Variants in RIPOR1 observed in about 807,000 individuals in gnomAD.
RIPOR1 encodes rho family-interacting cell polarization regulator 1.
Under a neutral mutation model 116.5 loss-of-function variants are expected in RIPOR1, and 58 were observed. That is an observed-to-expected ratio of 0.50 (90% confidence interval 0.40 to 0.62). RIPOR1 has a LOEUF of 0.62. Ranked by LOEUF, RIPOR1 falls within the 20% of genes least tolerant of loss-of-function variation. The probability of loss-of-function intolerance (pLI) is 0.00; values close to 1 mark genes in which losing one functional copy is unlikely to be tolerated. For missense variants in RIPOR1, 1,372 were observed against 1,586.2 expected (o/e 0.86, Z 2.29); for synonymous variants, 605 against 650.0 (o/e 0.93, Z 1.05).
rs374255418 is a variant in RIPOR1, at chr16:67,541,802, C to T, written c.1080+20C>T. ...TTCTATGTGAGTCATAGCCCAGGTCCAGGCCTCACCATCCCCCAGAGGCTC... is the reference window on the plus strand; with the variant it reads ...TTCTATGTGAGTCATAGCCCAGGTCTAGGCCTCACCATCCCCCAGAGGCTC... On this transcript the variant is annotated intron_variant, in intron 12 of 21. Coordinates refer to ENST00000042381, the MANE Select transcript of RIPOR1 (RefSeq NM_024519.4). This position sits in a 1 kb window ranked among gnomAD's most constrained non-coding sequence, Gnocchi z 4.6. 1.6e-5 allele frequency: 26 copies of T among 1,613,886 alleles called. No homozygotes were observed. Among genetic ancestry groups the T allele is most frequent in the Non-Finnish European group, 1.9e-5 (22 of 1,179,948 alleles).
Position 67,531,685 on chromosome 16 carries a change from G to A in RIPOR1, c.-24+2771G>A, listed in dbSNP as rs1283787195. The A allele has an allele frequency of 2.0e-5, 9 of 447,006 alleles. No individual in the cohort carries two copies. Among genetic ancestry groups the A allele is most frequent in the South Asian group, 7.9e-5 (5 of 63,446 alleles). 27.7% of individuals were successfully genotyped at this position (447,006 alleles called of 1,614,324 possible). The stretch of plus-strand genomic sequence containing the variant: ...CAGAGAAAGCAGGGGACTGGGAGGA[G>A]AGGAGTGGTTGAAAGAATGTGAGGG... On this transcript the variant is annotated intron_variant, in intron 1 of 21. Transcript: ENST00000042381. This position sits in a 1 kb window ranked among gnomAD's most constrained non-coding sequence, Gnocchi z 4.2.
At position 67,545,156 on chromosome 16, in the gene RIPOR1, T is replaced by G. The variant is rs745762564; in HGVS notation, c.3031+39T>G. 6.2e-7 allele frequency: 1 copy of G among 1,601,112 alleles called. No homozygotes were observed. ...TTCCTCCTTCCACCCTTGCTCAGAT[T>G]CCCAGTGACAGGAAGCTCGGGGAAG... On this transcript the variant is annotated intron_variant, in intron 17 of 21. Coordinates refer to ENST00000042381, the MANE Select transcript of RIPOR1 (RefSeq NM_024519.4). This position sits in a 1 kb window ranked among gnomAD's most constrained non-coding sequence, Gnocchi z 4.8.
intron 1 of RIPOR1, among the ~76,000 whole-genome samples, chr16:67,520,475 A>C (rs1308714237): frequency 7.5e-6 from 1 of 133,412 alleles, no homozygotes; most frequent in Non-Finnish European, 1.5e-5. Flanking sequence ...AAAAGAAAAG[A>C]GGCCCTGAAG....
chr16:67,530,107 T>A lies in RIPOR1; in HGVS notation c.-24+1193T>A. The A allele has an allele frequency of 1.7e-6, 1 of 573,804 alleles. No individual in the cohort carries two copies. The highest frequency in any genetic ancestry group is 3.1e-6 in the Non-Finnish European group (1 of 319,262). 35.5% of individuals were successfully genotyped at this position (573,804 alleles called of 1,614,324 possible). ...AGCAAGGTGAGCCGCCCCAGGGGTCTGGGTTTGGGTGCGGGTGAGGGGAGG... is the reference window on the plus strand; with the variant it reads ...AGCAAGGTGAGCCGCCCCAGGGGTCAGGGTTTGGGTGCGGGTGAGGGGAGG... On this transcript the variant is annotated intron_variant, in intron 1 of 21. Transcript: ENST00000042381. The surrounding 1 kb of genome is among the most constrained non-coding windows in gnomAD (Gnocchi z 4.5).
intron 1 of RIPOR1, among the ~76,000 whole-genome samples, chr16:67,532,336 C>G (rs1386147559): frequency 6.6e-6 from 1 of 152,082 alleles, no homozygotes; most frequent in Non-Finnish European, 1.5e-5. Context: ...CCCAGGAGTT[C>G]AAGGCTGCAG....
chr16:67,529,683 T>G lies in RIPOR1; in HGVS notation c.-24+769T>G, dbSNP rs2142416127. 7.2e-7 allele frequency: 1 copy of G among 1,394,386 alleles called. No homozygotes were observed. Among genetic ancestry groups the G allele is most frequent in the East Asian group, 2.5e-5 (1 of 40,178 alleles). The allele number at this position is 1,394,386 out of a possible 1,614,324, so 86.4% of individuals were successfully genotyped here. On this transcript the variant is annotated intron_variant, in intron 1 of 21. Coordinates refer to ENST00000042381, the MANE Select transcript of RIPOR1 (RefSeq NM_024519.4). The surrounding 1 kb of genome is among the most constrained non-coding windows in gnomAD (Gnocchi z 4.1). Reference sequence around the variant, plus strand: ...CCCCTACAGACCCTCCCCAGCCAGTTCTAACGTGTGTCCAGGCTGGCCGCC... The same window carrying G: ...CCCCTACAGACCCTCCCCAGCCAGTGCTAACGTGTGTCCAGGCTGGCCGCC...
chr16:67,525,002 C>T (rs2050527896), upstream of RIPOR1, among the ~76,000 whole-genome samples: 2 of 152,240 alleles, frequency 1.3e-5, no homozygotes, highest in Admixed American at 1.3e-4. Flanking sequence ...GGCCCCAAGG[C>T]CCCGCACGCA....
Position 67,545,830 on chromosome 16 carries a change from C to A in RIPOR1, c.3357C>A (p.Ser1119Arg), listed in dbSNP as rs768661764. 1.2e-6 allele frequency: 2 copies of A among 1,608,028 alleles called. No homozygotes were observed. The highest frequency in any genetic ancestry group is 1.1e-5 in the South Asian group (1 of 90,138). The change falls in exon 19 of 22, where the codon AGC becomes AGA. Residue 1119 changes from serine (S) to arginine (R), a missense_variant. Around this residue, in one of 3 missense-constraint regions of RIPOR1, gnomAD observed 1,005 missense variants for 1,144.7 expected, o/e 0.88. Coordinates refer to ENST00000042381, the MANE Select transcript of RIPOR1 (RefSeq NM_024519.4). The surrounding 1 kb of genome is among the most constrained non-coding windows in gnomAD (Gnocchi z 4.8). ...VMAAVSTQLR[S>R]LSLGPTFRER... ...CTGCTGTCAGCACCCAGCTCCGGAG[C>A]CTGTCACTGGGCCCTACCTTCCGGG...
In RIPOR1 at chr16:67,545,257, C is replaced by A. The variant is rs1343909570; in HGVS notation, c.3032-119C>A. The A allele has an allele frequency of 5.3e-6, 8 of 1,513,948 alleles. No homozygotes were observed. The Admixed American group carries it at 7.3e-5, about 14-fold the overall frequency. 93.8% of individuals were successfully genotyped at this position (1,513,948 alleles called of 1,614,324 possible). A position where few individuals can be genotyped will look rare whatever the true frequency, so the allele number is the denominator to read the frequency against. Reference sequence around the variant, plus strand: ...AGACTTGGGCCTTAGAGCAGAAGGACCCAGATGGGTGGGGTTTGAACAGGG... The same window carrying A: ...AGACTTGGGCCTTAGAGCAGAAGGAACCAGATGGGTGGGGTTTGAACAGGG... On this transcript the variant is annotated intron_variant, in intron 17 of 21. Transcript: ENST00000042381. This position sits in a 1 kb window ranked among gnomAD's most constrained non-coding sequence, Gnocchi z 4.8.
At position 67,542,300 on chromosome 16, in the gene RIPOR1, C is replaced by A. The variant is rs565803692; in HGVS notation, c.1514C>A (p.Thr505Lys). The change falls in exon 13 of 22, where the codon ACA becomes AAA. Residue 505 changes from threonine (T) to lysine (K), a missense_variant. Coordinates refer to ENST00000042381, the MANE Select transcript of RIPOR1 (RefSeq NM_024519.4). The surrounding 1 kb of genome is among the most constrained non-coding windows in gnomAD (Gnocchi z 4.6). ...PPALDPGHSA[T>K]SSTLGTTGSV... ...GCCCTGGACCCTGGCCACTCTGCCACAAGCTCTACCCTCGGTACAACAGGC... is the reference window on the plus strand; with the variant it reads ...GCCCTGGACCCTGGCCACTCTGCCAAAAGCTCTACCCTCGGTACAACAGGC... 2 of 1,613,984 alleles carry A rather than the reference C, an allele frequency of 1.2e-6. No homozygotes were observed. The highest frequency in any genetic ancestry group is 1.3e-5 in the African/African-American group (1 of 74,946).
chr16:67,521,861 C>T (rs2050497489), intron 1 of RIPOR1, among the ~76,000 whole-genome samples: 1 of 152,188 alleles, frequency 6.6e-6, no homozygotes, highest in African/African-American at 2.4e-5. Flanking sequence ...GATTGCAAAC[C>T]ATTATTTGTA....
chr16:67,519,017 G>A (rs1366636239), intron 1 of RIPOR1, among the ~76,000 whole-genome samples: 1 of 152,260 alleles, frequency 6.6e-6, no homozygotes, highest in Non-Finnish European at 1.5e-5. Flanking sequence ...AGGCGCAGTG[G>A]CTCATGCCTG....
At position 67,543,007 on chromosome 16, in the gene RIPOR1, G is replaced by T. The variant is rs763113387; in HGVS notation, c.2221G>T (p.Ala741Ser). The T allele has an allele frequency of 6.4e-7, 1 of 1,561,602 alleles. No individual in the cohort carries two copies. Among genetic ancestry groups the T allele is most frequent in the Admixed American group, 1.9e-5 (1 of 52,772 alleles). ...CAGTAGGAAACCCCTCACAAGCCCT[G>T]CCCCAGATCCCTCAGAGTCTACGGT... ...HSSRKPLTSP[A>S]PDPSESTVQS... Residue 741 changes from alanine to serine, a missense_variant, in exon 13 of 22, where the codon GCC becomes TCC. Physicochemically the swap from Ala to Ser is moderately conservative, Grantham distance 99. Around this residue, in one of 3 missense-constraint regions of RIPOR1, gnomAD observed 1,005 missense variants for 1,144.7 expected, o/e 0.88. Coordinates refer to ENST00000042381, the MANE Select transcript of RIPOR1 (RefSeq NM_024519.4). The surrounding 1 kb of genome is among the most constrained non-coding windows in gnomAD (Gnocchi z 4.7).
At chr16:67,539,234 G>T (rs2050900403) in intron 4 of RIPOR1, 166 bp downstream of exon 4, 3 of 623,890 alleles carry the variant, frequency 4.8e-6, no homozygotes, top group South Asian at 4.1e-5. Flanking sequence ...CCCAAACTTT[G>T]CTGTGCATAC....
At position 67,546,386 on chromosome 16, in the gene RIPOR1, C is replaced by T. The variant is rs757741585; in HGVS notation, c.3583C>T (p.His1195Tyr). 4 of 1,614,078 alleles carry T rather than the reference C, an allele frequency of 2.5e-6. No homozygotes were observed. The highest frequency in any genetic ancestry group is 3.4e-6 in the Non-Finnish European group (4 of 1,180,006). The change falls in exon 22 of 22, where the codon CAT (histidine) becomes TAT (tyrosine). Residue 1195 changes from histidine to tyrosine, a missense_variant. Physicochemically the swap from His to Tyr is moderately conservative, Grantham distance 83. Around this residue, in one of 3 missense-constraint regions of RIPOR1, gnomAD observed 1,005 missense variants for 1,144.7 expected, o/e 0.88. Coordinates refer to ENST00000042381, the MANE Select transcript of RIPOR1 (RefSeq NM_024519.4). ...QQCGEEGQSAHRRLEESLDAL... is the reference protein window; with the variant it reads ...QQCGEEGQSAYRRLEESLDAL... Reference sequence around the variant, plus strand: ...TACAGGAGAAGAGGGACAGTCTGCCCATCGACGGCTGGAGGAGTCCCTGGA... The same window carrying T: ...TACAGGAGAAGAGGGACAGTCTGCCTATCGACGGCTGGAGGAGTCCCTGGA...
At chr16:67,538,906 C>T (rs2050888219) in intron 3 of RIPOR1, 82 bp downstream of exon 3, 1 of 1,609,280 alleles carries the variant, frequency 6.2e-7, no homozygotes, top group Admixed American at 1.7e-5. Flanking sequence ...TTCTCCAGCC[C>T]CATGCCCTCT....
intron 4 of RIPOR1, 115 bp downstream of exon 4, chr16:67,539,183 A>C (rs1237162600): frequency 1.9e-5 from 16 of 843,040 alleles, no homozygotes; most frequent in Non-Finnish European, 2.8e-5. Context: ...AGGTGTGAGT[A>C]GAAAAGGGGA....
chr16:67,521,981 T>G (rs530347990), intron 1 of RIPOR1, among the ~76,000 whole-genome samples: 38 of 152,346 alleles, frequency 2.5e-4, no homozygotes, highest in African/African-American at 8.7e-4. Flanking sequence ...AGGAGATTCC[T>G]GCTATGCAGG....
Position 67,545,270 on chromosome 16 carries a change from G to A in RIPOR1, c.3032-106G>A, listed in dbSNP as rs913762058. Reference sequence around the variant, plus strand: ...AGAGCAGAAGGACCCAGATGGGTGGGGTTTGAACAGGGGGCCCCTGGACCT... The same window carrying A: ...AGAGCAGAAGGACCCAGATGGGTGGAGTTTGAACAGGGGGCCCCTGGACCT... On this transcript the variant is annotated intron_variant, in intron 17 of 21. Coordinates refer to ENST00000042381, the MANE Select transcript of RIPOR1 (RefSeq NM_024519.4). The surrounding 1 kb of genome is among the most constrained non-coding windows in gnomAD (Gnocchi z 4.8). 3.2e-5 allele frequency: 48 copies of A among 1,521,380 alleles called. No individual in the cohort carries two copies. Among genetic ancestry groups the A allele is most frequent in the Non-Finnish European group, 4.1e-5 (46 of 1,122,884 alleles). The allele number at this position is 1,521,380 out of a possible 1,614,324, so 94.2% of individuals were successfully genotyped here.
Sources: gnomAD v4.1 joint callset for allele counts (sites outside exome capture counted in the v4.1 genomes callset) on GRCh38, gnomAD v4.1.1 for gene constraint, gnomAD v4.1.1 regional missense constraint, Gnocchi (gnomAD v3.1) non-coding constraint, MANE v1.5 for transcripts, NCBI Gene and HGNC (gene_info 2026-07-23, HGNC 2026-07-21) for gene names.